The following CNTN5 variants were observed in gnomAD, a reference collection of about 807,000 sequenced individuals.
The protein encoded by CNTN5 is contactin-5.
A neutral mutation model predicts 129.1 loss-of-function variants in CNTN5; 77 were observed. The observed-to-expected ratio is 0.60, with a 90% CI of 0.50 to 0.72. The LOEUF is 0.72. Among genes scored for constraint, CNTN5 ranks in the 30% least tolerant of loss-of-function variants. The pLI is 0.00. For synonymous variants in CNTN5, 509 were observed against 465.6 expected, an observed-to-expected ratio of 1.09 and a Z score of -1.20; for missense variants, 1,478 against 1,328.8, an observed-to-expected ratio of 1.11 and a Z score of -1.75.
intron 21 of CNTN5, among the ~76,000 whole-genome samples, chr11:100,319,303 C>T (rs896719526): frequency 5.3e-5 from 8 of 152,222 alleles, no homozygotes; most frequent in Non-Finnish European, 1.2e-4. Context: ...CAGGCACGCA[C>T]CACTGTGCCC....
At chr11:100,113,487 A>G (rs556123351) in intron 13 of CNTN5, among the ~76,000 whole-genome samples, 34 of 150,772 alleles carry the variant, frequency 2.3e-4, no homozygotes, top group African/African-American at 8.0e-4. Context: ...AGAAAAAGAA[A>G]AAAACAAGCA....
At chr11:100,166,484 A>C (rs1947640326) in intron 13 of CNTN5, among the ~76,000 whole-genome samples, 1 of 151,734 alleles carries the variant, frequency 6.6e-6, no homozygotes. Context: ...TTGGCATCCT[A>C]ACTGTATATG....
At chr11:100,240,905 C>G (rs1234751007) in intron 16 of CNTN5, among the ~76,000 whole-genome samples, 1 of 152,148 alleles carries the variant, frequency 6.6e-6, no homozygotes, top group Admixed American at 6.5e-5. Flanking sequence ...ATCTATTAAT[C>G]ATTAATAAGT....
intron 6 of CNTN5, among the ~76,000 whole-genome samples, chr11:99,882,462 A>G (rs1435730102): frequency 2.0e-5 from 3 of 152,212 alleles, no homozygotes; most frequent in Non-Finnish European, 2.9e-5. Context: ...TCAGTTATAC[A>G]TTCAGTAGCC....
intron 3 of CNTN5, among the ~76,000 whole-genome samples, chr11:99,585,329 G>A (rs561122872): frequency 6.6e-6 from 1 of 152,096 alleles, no homozygotes; most frequent in African/African-American, 2.4e-5. Flanking sequence ...GTGAGAGCAG[G>A]GTTTTCTTTA....
In CNTN5 at chr11:99,888,094, C is replaced by T. The variant is rs937765179; in HGVS notation, c.578-27960C>T. Among the ~76,000 whole-genome samples the T allele has an allele frequency of 3.3e-5, 5 of 152,264 alleles. 1 individual carries two copies. On this transcript the variant is annotated intron_variant, in intron 6 of 24. Coordinates refer to ENST00000524871, the MANE Select transcript of CNTN5 (RefSeq NM_014361.4). ...CTACATCATAAGGCTACTTTTAGAA[C>T]TAAAAGAGGTAATACGTATATAGCA...
chr11:99,672,575 G>A (rs1953092020), intron 3 of CNTN5, among the ~76,000 whole-genome samples: 1 of 151,046 alleles, frequency 6.6e-6, no homozygotes, highest in Non-Finnish European at 1.5e-5. Context: ...AAGAGGATGT[G>A]TCCAGAATCA....
At chr11:99,915,050 A>G (rs1949752799) in intron 6 of CNTN5, among the ~76,000 whole-genome samples, 1 of 152,076 alleles carries the variant, frequency 6.6e-6, no homozygotes, top group Admixed American at 6.6e-5. Flanking sequence ...TTAAAAATCT[A>G]TTTTACAATT....
chr11:100,032,567 G>C (rs534911117), intron 9 of CNTN5, among the ~76,000 whole-genome samples: 1 of 151,962 alleles, frequency 6.6e-6, no homozygotes, highest in South Asian at 2.1e-4. Flanking sequence ...AACTGTCAAT[G>C]TTTTCTGGCC....
chr11:99,901,858 C>T (rs1041429906), intron 6 of CNTN5, among the ~76,000 whole-genome samples: 1 of 152,062 alleles, frequency 6.6e-6, no homozygotes, highest in African/African-American at 2.4e-5. Flanking sequence ...TTAATAATGG[C>T]TGTCATTTAT....
intron 7 of CNTN5, among the ~76,000 whole-genome samples, chr11:99,954,820 C>T (rs920598960): frequency 8.5e-5 from 13 of 152,122 alleles, no homozygotes; most frequent in Admixed American, 5.2e-4. Context: ...ACTTTTTATA[C>T]TTCTTGGAAT....
chr11:99,557,469 C>T (rs1948710341), intron 3 of CNTN5, among the ~76,000 whole-genome samples: 1 of 151,334 alleles, frequency 6.6e-6, no homozygotes, highest in African/African-American at 2.4e-5. Context: ...GAACTAAACA[C>T]ATTCTCCTGT....
At chr11:99,495,988 A>G (rs555232796) in intron 2 of CNTN5, among the ~76,000 whole-genome samples, 55 of 152,286 alleles carry the variant, frequency 3.6e-4, no homozygotes, top group Non-Finnish European at 6.3e-4. Flanking sequence ...AGGAAAGAAG[A>G]GCAATGTGGG....
chr11:99,218,891 A>G (rs577124405), intron 1 of CNTN5, among the ~76,000 whole-genome samples: 3 of 152,064 alleles, frequency 2.0e-5, no homozygotes, highest in Admixed American at 6.6e-5. Context: ...CCCTGTTCTG[A>G]TGCTTAGATT....
chr11:99,679,658 A>C (rs1200846244), intron 3 of CNTN5, among the ~76,000 whole-genome samples: 1 of 152,116 alleles, frequency 6.6e-6, no homozygotes. Flanking sequence ...AAGAGACAAC[A>C]CTATTGAAAT....
At chr11:100,044,784 G>T (rs1942580113) in intron 9 of CNTN5, among the ~76,000 whole-genome samples, 1 of 151,862 alleles carries the variant, frequency 6.6e-6, no homozygotes, top group Non-Finnish European at 1.5e-5. Context: ...CAGGTTGTCT[G>T]TTCACGCTGT....
At chr11:100,044,191 A>ATG (rs1942538700) in intron 9 of CNTN5, among the ~76,000 whole-genome samples, 2 of 151,888 alleles carry the variant, frequency 1.3e-5, no homozygotes, top group South Asian at 4.2e-4. Context: ...TATACGTGAT[A>ATG]TGTATATATA....
chr11:99,904,150 G>A (rs765740929), intron 6 of CNTN5, among the ~76,000 whole-genome samples: 21 of 151,940 alleles, frequency 1.4e-4, no homozygotes, highest in Non-Finnish European at 2.2e-4. Flanking sequence ...TTTATTATAC[G>A]TTAAGTTCTT....
At chr11:99,795,671 A>G (rs1469915324) in intron 3 of CNTN5, among the ~76,000 whole-genome samples, 1 of 147,382 alleles carries the variant, frequency 6.8e-6, no homozygotes, top group African/African-American at 2.5e-5. Flanking sequence ...TAAAAAAATT[A>G]TCTTCTTTGG....
Sources: allele counts gnomAD v4.1 joint callset (sites outside exome capture counted in the v4.1 genomes callset), GRCh38; gene constraint gnomAD v4.1.1; transcripts MANE v1.5; gene names NCBI Gene and HGNC (gene_info 2026-07-23, HGNC 2026-07-21).